ZPBP: variants seen among roughly 807,000 people sequenced by gnomAD.
ZPBP encodes the protein zona pellucida binding protein.
Under a neutral mutation model 44.8 loss-of-function variants are expected in ZPBP, and 26 were observed. That is an observed-to-expected ratio of 0.58 (90% CI 0.43 to 0.81). The LOEUF (loss-of-function observed/expected upper bound fraction) is 0.81. Ranked by LOEUF, ZPBP falls within the 30% of genes least tolerant of loss-of-function variation. The pLI is 0.00. For synonymous variants in ZPBP, 174 were observed against 153.2 expected (o/e 1.14, Z -1.00); for missense variants, 409 against 434.0 (o/e 0.94, Z 0.51).
chr7:50,067,733 C>T (rs779125278), intron 3 of ZPBP, among the ~76,000 whole-genome samples: 1 of 152,322 alleles, frequency 6.6e-6, no homozygotes, highest in Middle Eastern at 3.4e-3. Context: ...TATTCACAGT[C>T]TCTAAAGTCA....
chr7:49,978,461 A>AATTT (rs1316794620), intron 7 of ZPBP, among the ~76,000 whole-genome samples: 4 of 152,078 alleles, frequency 2.6e-5, no homozygotes, highest in African/African-American at 9.7e-5. Context: ...AGTCTTCACT[A>AATTT]ATTTATAAGG....
chr7:49,977,859 C>T (rs1796599164), intron 7 of ZPBP, among the ~76,000 whole-genome samples: 1 of 152,158 alleles, frequency 6.6e-6, no homozygotes, highest in Non-Finnish European at 1.5e-5. Flanking sequence ...ACTCAGATAT[C>T]TCAAACTCAG....
chr7:49,848,607 C>T (rs997751060), downstream of ZPBP, among the ~76,000 whole-genome samples: 1 of 152,208 alleles, frequency 6.6e-6, no homozygotes, highest in Non-Finnish European at 1.5e-5. Context: ...GCCATCTTTT[C>T]CCTTTCTCCA....
At chr7:49,880,231 G>T (rs1351197684) in intron 2 of ZPBP, among the ~76,000 whole-genome samples, 1 of 152,030 alleles carries the variant, frequency 6.6e-6, no homozygotes, top group East Asian at 1.9e-4. Context: ...TCTCTTATAT[G>T]TGTGGCTATA....
intron 1 of ZPBP, among the ~76,000 whole-genome samples, chr7:49,902,469 G>A (rs1246971048): frequency 6.6e-6 from 1 of 150,902 alleles, no homozygotes. Context: ...AGGTGCAAAG[G>A]TAACTCAATG....
At chr7:49,937,394 A>C (rs1343339186), downstream of ZPBP, 3 of 693,032 alleles carry the variant, frequency 4.3e-6, no homozygotes, top group East Asian at 8.4e-5. Flanking sequence ...ACATTTGGAC[A>C]TACAGTATTT....
chr7:50,062,127 C>T (rs4917110), intron 3 of ZPBP, among the ~76,000 whole-genome samples: 125,842 of 152,140 alleles, frequency 0.83, 52,090 homozygotes, highest in East Asian at 0.88. Flanking sequence ...GGGAGGTGAA[C>T]GATCTCTACT....
At chr7:50,014,358 A>G (rs1344940627) in intron 6 of ZPBP, among the ~76,000 whole-genome samples, 1 of 152,164 alleles carries the variant, frequency 6.6e-6, no homozygotes, top group Non-Finnish European at 1.5e-5. Flanking sequence ...GATAATGAAG[A>G]AAGTATGGCA....
the ZPBP span, among the ~76,000 whole-genome samples, chr7:49,840,921 A>G: frequency 6.6e-6 from 1 of 152,134 alleles, no homozygotes; most frequent in Non-Finnish European, 1.5e-5. Context: ...GGTCAACACT[A>G]TAGTGGGTTA....
chr7:49,887,780 T>C (rs1012742265), intron 2 of ZPBP, among the ~76,000 whole-genome samples: 1 of 152,208 alleles, frequency 6.6e-6, no homozygotes, highest in Admixed American at 6.5e-5. Flanking sequence ...GCACTTCCAC[T>C]GTCTGGAATG....
At chr7:50,027,139 T>C (rs949305323) in intron 5 of ZPBP, among the ~76,000 whole-genome samples, 4 of 60,022 alleles carry the variant, frequency 6.7e-5, no homozygotes, top group South Asian at 4.6e-4. Context: ...ATTGTTAATA[T>C]GGACCCTTCC....
At chr7:49,878,749 C>T (rs1245420116) in intron 2 of ZPBP, among the ~76,000 whole-genome samples, 1 of 152,120 alleles carries the variant, frequency 6.6e-6, no homozygotes, top group Non-Finnish European at 1.5e-5. Context: ...TCCTGTACTG[C>T]TGATATTTTA....
chr7:49,922,956 G>T (rs1258160917), intron 1 of ZPBP, among the ~76,000 whole-genome samples: 1 of 152,000 alleles, frequency 6.6e-6, no homozygotes, highest in Non-Finnish European at 1.5e-5. Flanking sequence ...AAATTGAAAA[G>T]AACCAAAAAA....
intron 4 of ZPBP, among the ~76,000 whole-genome samples, chr7:50,044,667 C>T (rs939689370): frequency 1.3e-5 from 2 of 151,972 alleles, no homozygotes; most frequent in African/African-American, 4.8e-5. Context: ...GAAATTGAGG[C>T]AGTAATAGTC....
At chr7:49,986,917 C>T (rs35184030) in intron 6 of ZPBP, among the ~76,000 whole-genome samples, 39,950 of 152,098 alleles carry the variant, frequency 0.26, 6,521 homozygotes, top group Non-Finnish European at 0.37. Flanking sequence ...GTAAACTGGT[C>T]AGTGGCAAAC....
intron 6 of ZPBP, among the ~76,000 whole-genome samples, chr7:50,012,285 G>A (rs1466361909): frequency 6.6e-6 from 1 of 152,014 alleles, no homozygotes; most frequent in Admixed American, 6.6e-5. Context: ...ATGTACTTCA[G>A]ATATAATTAC....
At chr7:49,927,036 G>A (rs1201756699) in intron 1 of ZPBP, among the ~76,000 whole-genome samples, 4 of 152,208 alleles carry the variant, frequency 2.6e-5, no homozygotes, top group African/African-American at 9.7e-5. Flanking sequence ...TACAGCAGAA[G>A]GTCAGAGAGC....
chr7:50,069,579 G>A (rs1471051441), intron 3 of ZPBP, among the ~76,000 whole-genome samples: 3 of 152,142 alleles, frequency 2.0e-5, no homozygotes, highest in African/African-American at 7.2e-5. Context: ...CTAACACAAA[G>A]AGGGCTACTC....
intron 2 of ZPBP, among the ~76,000 whole-genome samples, chr7:49,883,002 C>T (rs996016744): frequency 2.6e-5 from 4 of 151,964 alleles, no homozygotes; most frequent in African/African-American, 7.3e-5. Context: ...GCCCTGGCCC[C>T]GCCTGCTTGC....
Sources: allele counts gnomAD v4.1 joint callset (sites outside exome capture counted in the v4.1 genomes callset), GRCh38; gene constraint gnomAD v4.1.1; transcripts MANE v1.5; gene names NCBI Gene and HGNC (gene_info 2026-07-23, HGNC 2026-07-21).